The following CDH15 variants were observed in gnomAD, a reference collection of about 807,000 sequenced individuals.
The protein encoded by CDH15 is cadherin 15.
CDH15 carries 73 observed loss-of-function variants against 69.4 expected under a neutral mutation model. The observed-to-expected ratio is 1.05, with a 90% CI of 0.87 to 1.28. The LOEUF is 1.28. CDH15 is among the 50% of genes most tolerant of loss of function. CDH15 has a pLI of 0.00. For missense variants in CDH15, 1,343 were observed against 1,133.6 expected (o/e 1.18, Z -2.65); for synonymous variants, 624 against 507.7 (o/e 1.23, Z -3.08).
At chr16:89,176,380 A>G (rs1362243985) in intron 1 of CDH15, among the ~76,000 whole-genome samples, 1 of 151,294 alleles carries the variant, frequency 6.6e-6, no homozygotes, top group African/African-American at 2.4e-5. Flanking sequence ...GTGGTTTTGC[A>G]GGGGGAGGGG....
Position 89,187,452 on chromosome 16 carries a change from C to T in CDH15, c.687C>T (p.Thr229=). The change falls in exon 6 of 14, where the codon ACC becomes ACT. Residue 229 remains threonine (T), a synonymous_variant. Coordinates refer to ENST00000289746, the MANE Select transcript of CDH15 (RefSeq NM_004933.3). ...AGGTGGTCGCGGTGTACAATCTGAC[C>T]CTGCAGGTGGCGGACATGTCTGGAG... ...DREVVAVYNL[T]LQVADMSGDG... is the part of the protein sequence containing the mutation. 1 of 1,613,402 alleles carries T rather than the reference C, an allele frequency of 6.2e-7. No individual in the cohort carries two copies. The highest frequency in any genetic ancestry group is 8.5e-7 in the Non-Finnish European group (1 of 1,180,014).
At chr16:89,173,238 C>G (rs1345830276) in intron 1 of CDH15, among the ~76,000 whole-genome samples, 1 of 152,200 alleles carries the variant, frequency 6.6e-6, no homozygotes, top group African/African-American at 2.4e-5. Context: ...CAGGGCCCTT[C>G]CCCACCTGCT....
intron 1 of CDH15, among the ~76,000 whole-genome samples, chr16:89,173,294 G>C (rs1345685743): frequency 6.6e-6 from 1 of 152,218 alleles, no homozygotes; most frequent in African/African-American, 2.4e-5. Context: ...AGGGCATGGT[G>C]GTGGGGAGGC....
intron 8 of CDH15, 103 bp from the exon 9 acceptor site, chr16:89,191,226 TG>T: frequency 7.7e-7 from 1 of 1,291,970 alleles, no homozygotes; most frequent in Admixed American, 1.7e-5. Context: ...GGTATGTATG[TG>T]TGTGCCTGTG....
chr16:89,179,863 G>A (rs1915336607), intron 2 of CDH15, among the ~76,000 whole-genome samples: 1 of 152,242 alleles, frequency 6.6e-6, no homozygotes, highest in African/African-American at 2.4e-5. Flanking sequence ...CGTGATTTTT[G>A]TGTGCGTGTT....
At position 89,179,471 on chromosome 16, in the gene CDH15, C is replaced by A. The variant is rs752295997; in HGVS notation, c.98C>A (p.Pro33His). Residue 33 changes from proline to histidine, a missense_variant, in exon 2 of 14, where the codon CCC becomes CAC. By Grantham distance (77) the Pro-to-His change is moderately conservative (BLOSUM62 -2). Transcript: ENST00000289746. ...TGGAGGAGGCCCACCACCCTGTACCCCTGGCGCCGGGCGCCTGCCCTGAGC... is the reference window on the plus strand; with the variant it reads ...TGGAGGAGGCCCACCACCCTGTACCACTGGCGCCGGGCGCCTGCCCTGAGC... The part of the protein sequence containing the change: ...PGWRRPTTLY[P>H]WRRAPALSRV... 6 of 1,613,484 alleles carry A rather than the reference C, an allele frequency of 3.7e-6. No homozygotes were observed. The highest frequency in any genetic ancestry group is 5.1e-6 in the Non-Finnish European group (6 of 1,179,924).
At chr16:89,173,151 A>G (rs1597299278) in intron 1 of CDH15, among the ~76,000 whole-genome samples, 1 of 152,112 alleles carries the variant, frequency 6.6e-6, no homozygotes, top group South Asian at 2.1e-4. Flanking sequence ...ACAGTGGCTC[A>G]GCATGCGTGC....
intron 2 of CDH15, 131 bp downstream of exon 2, chr16:89,179,705 C>T (rs1597303325): frequency 7.5e-6 from 7 of 938,370 alleles, no homozygotes; most frequent in East Asian, 2.6e-5. Flanking sequence ...AGGACTCGCC[C>T]ACCTTGCCAG....
chr16:89,194,171 A>T (rs1162070081), intron 13 of CDH15, among the ~76,000 whole-genome samples: 1 of 152,210 alleles, frequency 6.6e-6, no homozygotes, highest in Non-Finnish European at 1.5e-5. Flanking sequence ...AGACCCATCC[A>T]CTGCCCCGTG....
chr16:89,187,434 C>G lies in CDH15; in HGVS notation c.669C>G (p.Val223=). The G allele has an allele frequency of 6.2e-7, 1 of 1,612,896 alleles. No individual in the cohort carries two copies. Among genetic ancestry groups the G allele is most frequent in the Non-Finnish European group, 8.5e-7 (1 of 1,179,994 alleles). The change falls in exon 6 of 14, where the codon GTC becomes GTG. Residue 223 remains valine, a synonymous_variant. Transcript: ENST00000289746. ...CCTGTGCCCCACATCCCCAGGTGGTCGCGGTGTACAATCTGACCCTGCAGG... is the reference window on the plus strand; with the variant it reads ...CCTGTGCCCCACATCCCCAGGTGGTGGCGGTGTACAATCTGACCCTGCAGG... ...TVQVGLDREV[V]AVYNLTLQVA...
chr16:89,190,953 G>C (rs1221354688), intron 8 of CDH15, among the ~76,000 whole-genome samples: 1 of 152,096 alleles, frequency 6.6e-6, no homozygotes, highest in Non-Finnish European at 1.5e-5. Flanking sequence ...AGAAGGTGCT[G>C]GTGACTGCAG....
In CDH15 at chr16:89,191,454, G is replaced by C. The variant is rs755444058; in HGVS notation, c.1357G>C (p.Val453Leu). 1 of 1,612,446 alleles carries C rather than the reference G, an allele frequency of 6.2e-7. No individual in the cohort carries two copies. Among genetic ancestry groups the C allele is most frequent in the African/African-American group, 1.3e-5 (1 of 74,916 alleles). The stretch of plus-strand genomic sequence containing the variant: ...CAAGGGCGGCTGGTACAGAGCCATC[G>C]TCCTGGCCCAGGATGACGGTGAGCG... ...FLKGGWYRAI[V>L]LAQDDASQPR... The change falls in exon 9 of 14, where the codon GTC (valine) becomes CTC (leucine). Residue 453 changes from valine to leucine, a missense_variant. Transcript: ENST00000289746.
chr16:89,193,354 C>CCCCCCTGCTT, intron 11 of CDH15, 116 bp from the exon 12 acceptor site: 8 of 574,130 alleles, frequency 1.4e-5, no homozygotes, highest in South Asian at 1.9e-5. Context: ...CCCTCAACCC[C>CCCCCCTGCTT]ACCCCTGCTT....
intron 10 of CDH15, 142 bp from the exon 11 acceptor site, chr16:89,192,063 C>G (rs1915660134): frequency 2.6e-6 from 3 of 1,169,310 alleles, no homozygotes; most frequent in Non-Finnish European, 3.6e-6. Context: ...GGCAGGGTTA[C>G]TCATTGTGCC....
chr16:89,185,959 C>A (rs143449743), intron 5 of CDH15: 5 of 159,548 alleles, frequency 3.1e-5, no homozygotes. Context: ...TAAACGCTTA[C>A]CCAGCGCAGA....
At chr16:89,182,387 T>C (rs981412725) in intron 3 of CDH15, among the ~76,000 whole-genome samples, 22 of 150,240 alleles carry the variant, frequency 1.5e-4, no homozygotes, top group African/African-American at 4.9e-4. Flanking sequence ...ATGCTTGTAA[T>C]CCGAGCACTT....
At chr16:89,187,731 G>T (rs544641082) in intron 6 of CDH15, among the ~76,000 whole-genome samples, 174 bp downstream of exon 6, 3 of 152,196 alleles carry the variant, frequency 2.0e-5, no homozygotes, top group African/African-American at 7.2e-5. Flanking sequence ...GGGGTGCTGC[G>T]TGGCAGTGTG....
rs750842625 is a variant in CDH15, at chr16:89,194,938, G to A, written c.2228G>A (p.Gly743Asp). Residue 743 changes from glycine (G) to aspartate (D), a missense_variant, in exon 14 of 14, where the codon GGC becomes GAC. Coordinates refer to ENST00000289746, the MANE Select transcript of CDH15 (RefSeq NM_004933.3). ...TALIYDYEGD[G>D]SVAGTLSSIL... Reference sequence around the variant, plus strand: ...CTCATCTATGACTACGAGGGTGACGGCTCGGTGGCGGGGACGCTGAGCTCC... The same window carrying A: ...CTCATCTATGACTACGAGGGTGACGACTCGGTGGCGGGGACGCTGAGCTCC... 6.2e-7 allele frequency: 1 copy of A among 1,608,482 alleles called. No homozygotes were observed. The highest frequency in any genetic ancestry group is 2.2e-5 in the East Asian group (1 of 44,788).
chr16:89,192,525 G>T, intron 11 of CDH15, 81 bp downstream of exon 11: 1 of 1,499,084 alleles, frequency 6.7e-7, no homozygotes, highest in Non-Finnish European at 9.0e-7. Flanking sequence ...AACCAGCCAC[G>T]CCGCTTCCTC....
Sources: gnomAD v4.1 joint callset for allele counts (sites outside exome capture counted in the v4.1 genomes callset) on GRCh38, gnomAD v4.1.1 for gene constraint, MANE v1.5 for transcripts, NCBI Gene and HGNC (gene_info 2026-07-23, HGNC 2026-07-21) for gene names.